Variants in BBS1 observed in about 807,000 individuals in gnomAD.
BBS1 encodes the protein BBSome complex member BBS1.
BBS1 carries 60 observed loss-of-function variants against 73.9 expected under a neutral mutation model. That is an observed-to-expected ratio of 0.81 (90% CI 0.66 to 1.01). The LOEUF (loss-of-function observed/expected upper bound fraction) is 1.01, where lower values mean the gene tolerates loss of function less well. BBS1 is among the 50% of genes least tolerant of loss of function. The probability of loss-of-function intolerance (pLI) is 0.00; values close to 1 mark genes in which losing one functional copy is unlikely to be tolerated. For synonymous variants in BBS1, 283 were observed against 317.4 expected (o/e 0.89, Z 1.15); for missense variants, 718 against 770.3 (o/e 0.93, Z 0.80).
intron 14 of BBS1, among the ~76,000 whole-genome samples, chr11:66,530,181 G>A (rs1048535974): frequency 3.3e-5 from 5 of 152,066 alleles, no homozygotes; most frequent in Admixed American, 1.3e-4. Flanking sequence ...TGGCCATGCC[G>A]TGGGACACTC....
chr11:66,530,410 C>T (rs748329979), intron 14 of BBS1, among the ~76,000 whole-genome samples: 2 of 152,108 alleles, frequency 1.3e-5, no homozygotes, highest in Non-Finnish European at 2.9e-5. Context: ...CCGCAAGGCT[C>T]AGACGCAAAT....
chr11:66,532,041 C>T lies in BBS1; in HGVS notation c.*4C>T. 1 of 1,599,420 alleles carries T rather than the reference C, an allele frequency of 6.3e-7. No individual in the cohort carries two copies. Among genetic ancestry groups the T allele is most frequent in the Non-Finnish European group, 8.5e-7 (1 of 1,174,006 alleles). On this transcript the variant is annotated 3_prime_UTR_variant, in exon 17 of 17. Coordinates refer to ENST00000318312, the MANE Select transcript of BBS1 (RefSeq NM_024649.5). ...CGAGGGGCTGGCGGCCGCCTGAGACCTGAGCTGCTGTGAAAGCCCCTGCAC... is the reference window on the plus strand; with the variant it reads ...CGAGGGGCTGGCGGCCGCCTGAGACTTGAGCTGCTGTGAAAGCCCCTGCAC...
In BBS1 at chr11:66,523,885, G is replaced by C. The variant is rs762276925; in HGVS notation, c.1110+3G>C. ...TGCTCAATGTCATCCACACCCCGGT[G>C]AGCCCCATCTCCGGCATCTGCCACT... is the stretch of plus-strand genomic sequence containing the variant. On this transcript the variant is annotated splice_donor_region_variant and intron_variant, in intron 11 of 16. Transcript: ENST00000318312. 3 of 1,612,828 alleles carry C rather than the reference G, an allele frequency of 1.9e-6. No homozygotes were observed. Among genetic ancestry groups the C allele is most frequent in the Non-Finnish European group, 2.5e-6 (3 of 1,180,028 alleles).
chr11:66,529,781 C>G (rs367768479), intron 13 of BBS1, 38 bp from the exon 14 acceptor site: 3 of 1,607,588 alleles, frequency 1.9e-6, no homozygotes, highest in Non-Finnish European at 2.5e-6. Flanking sequence ...CTGCCACCCC[C>G]CACCTCCACC....
intron 9 of BBS1, chr11:66,522,952 A>C: frequency 1.7e-5 from 6 of 359,914 alleles, no homozygotes; most frequent in South Asian, 1.3e-4. Context: ...GTTGTAGGCC[A>C]ACTCAAAGTG....
intron 8 of BBS1, 113 bp from the exon 9 acceptor site, chr11:66,521,157 T>C (rs565337288): frequency 1.2e-6 from 1 of 809,474 alleles, no homozygotes; most frequent in Non-Finnish European, 2.2e-6. Flanking sequence ...AAACTGGGTG[T>C]AAGTGAGGAG....
chr11:66,519,589 C>T (rs1196522222), intron 7 of BBS1, 28 bp from the exon 8 acceptor site: 1 of 1,613,256 alleles, frequency 6.2e-7, no homozygotes, highest in East Asian at 2.2e-5. Flanking sequence ...TGGAGGTTCC[C>T]TGGGTGACCC....
intron 11 of BBS1, 89 bp downstream of exon 11, chr11:66,523,971 T>A (rs531570803): frequency 9.0e-6 from 14 of 1,563,248 alleles, no homozygotes; most frequent in Non-Finnish European, 1.1e-5. Flanking sequence ...CGACCACACA[T>A]TGATGCATTT....
Position 66,529,288 on chromosome 11 carries a change from GGGAGGCAGTGAC to G in BBS1, c.1340-522_1340-511del, listed in dbSNP as rs970055971. 25 of 1,535,088 alleles carry G rather than the reference GGGAGGCAGTGAC, an allele frequency of 1.6e-5. No individual in the cohort carries two copies. In the East Asian group the frequency reaches 6.1e-4, roughly 38 times the overall value. Reference sequence around the variant, plus strand: ...GTGGACCTAGGTGACTTGATGGACAGGGAGGCAGTGACGGAGGCAGGACCATGAGGCTGGTTT... The same window carrying G: ...GTGGACCTAGGTGACTTGATGGACAGGGAGGCAGGACCATGAGGCTGGTTT... On this transcript the variant is annotated intron_variant, in intron 13 of 16. Coordinates refer to ENST00000318312, the MANE Select transcript of BBS1 (RefSeq NM_024649.5).
At chr11:66,529,500 A>G in intron 13 of BBS1, 1 of 727,574 alleles carries the variant, frequency 1.4e-6, no homozygotes, top group Non-Finnish European at 2.5e-6. Context: ...TGGGGGAAGA[A>G]GATGGAGGAT....
chr11:66,514,441 G>A lies in BBS1; in HGVS notation c.195G>A (p.Gln65=). Residue 65 remains glutamine, a synonymous_variant, in exon 4 of 17, where the codon CAG becomes CAA. Coordinates refer to ENST00000318312, the MANE Select transcript of BBS1 (RefSeq NM_024649.5). ...GGGACCTTGGCCCTGGTGGGCAGCA[G>A]CCCCGCCTGAAGGTGCTCAAAGGAC... is the stretch of plus-strand genomic sequence containing the variant. The part of the protein sequence containing the change: ...VVGDLGPGGQ[Q]PRLKVLKGPL... 1 of 1,614,146 alleles carries A rather than the reference G, an allele frequency of 6.2e-7. No individual in the cohort carries two copies. The highest frequency in any genetic ancestry group is 1.1e-5 in the South Asian group (1 of 91,084).
rs945881183 is a variant in BBS1, at chr11:66,533,080, A to G, written c.*1043A>G. 6.6e-6 allele frequency: 1 copy of G among 152,220 alleles called. No homozygotes were observed. The highest frequency in any genetic ancestry group is 1.5e-5 in the Non-Finnish European group (1 of 68,046). 9.4% of individuals were successfully genotyped at this position (152,220 alleles called of 1,614,324 possible). ...TATGCCCAGCACCTGATGTAAGTTT[A>G]TATAATGTAATATTATGTACCTACC... is the stretch of plus-strand genomic sequence containing the variant. On this transcript the variant is annotated 3_prime_UTR_variant, in exon 17 of 17. Transcript: ENST00000318312.
intron 13 of BBS1, chr11:66,529,548 G>C: frequency 1.4e-6 from 1 of 703,832 alleles, no homozygotes; most frequent in Non-Finnish European, 2.6e-6. Context: ...GAGAACACCA[G>C]CCTCTAGGGC....
At position 66,532,032 on chromosome 11, in the gene BBS1, G is replaced by A. The variant is rs760237505; in HGVS notation, c.1777G>A (p.Ala593Thr). Residue 593 changes from alanine to threonine, a missense_variant, in exon 17 of 17, where the codon GCC becomes ACC. Physicochemically the swap from Ala to Thr is moderately conservative, Grantham distance 58. Transcript: ENST00000318312. ...GCCTGGGAGCGAGGGGCTGGCGGCC[G>A]CCTGAGACCTGAGCTGCTGTGAAAG... ...NMPGSEGLAA[A>T] 67 of 1,603,196 alleles carry A rather than the reference G, an allele frequency of 4.2e-5. 1 individual carries two copies. In the South Asian group the frequency reaches 5.8e-4, roughly 14 times the overall value.
chr11:66,520,248 ATATC>A (rs1471008059), intron 8 of BBS1: 1 of 163,900 alleles, frequency 6.1e-6, no homozygotes, highest in Non-Finnish European at 1.3e-5. Flanking sequence ...GTGTCTTTCT[ATATC>A]TATAAAACCA....
chr11:66,517,743 G>A (rs1856082667), intron 7 of BBS1, among the ~76,000 whole-genome samples: 1 of 151,848 alleles, frequency 6.6e-6, no homozygotes, highest in African/African-American at 2.4e-5. Context: ...TGGGATTACA[G>A]GTGTGAGCCA....
intron 8 of BBS1, 71 bp from the exon 9 acceptor site, chr11:66,521,199 G>A: frequency 8.9e-7 from 1 of 1,121,330 alleles, no homozygotes; most frequent in Admixed American, 1.7e-5. Context: ...CTCACTCAGA[G>A]GAGTTACTGA....
At chr11:66,523,010 C>T in intron 9 of BBS1, 1 of 386,056 alleles carries the variant, frequency 2.6e-6, no homozygotes, top group Non-Finnish European at 5.1e-6. Flanking sequence ...ACTAACTGTA[C>T]TTTCTGGAAA....
At chr11:66,529,598 A>T in intron 13 of BBS1, 1 of 692,368 alleles carries the variant, frequency 1.4e-6, no homozygotes, top group Non-Finnish European at 2.6e-6. Context: ...TAGTGCAGGC[A>T]GGGAGGTGGT....
Sources: gnomAD v4.1 joint callset for allele counts (sites outside exome capture counted in the v4.1 genomes callset) on GRCh38, gnomAD v4.1.1 for gene constraint, MANE v1.5 for transcripts, NCBI Gene and HGNC (gene_info 2026-07-23, HGNC 2026-07-21) for gene names.